Variants in EEF1AKMT2 observed in about 807,000 individuals in gnomAD.
The protein encoded by EEF1AKMT2 is EEF1A lysine methyltransferase 2, also known as eukaryotic translation elongation factor 1 alpha lysine methyltransferase 2.
A neutral mutation model predicts 35.8 loss-of-function variants in EEF1AKMT2; 32 were observed. The observed-to-expected ratio is 0.89, with a 90% CI of 0.67 to 1.20. The LOEUF (loss-of-function observed/expected upper bound fraction) is 1.20. Among genes scored for constraint, EEF1AKMT2 ranks in the 50% most tolerant of loss-of-function variants. The probability of loss-of-function intolerance (pLI) is 0.00; values close to 1 mark genes in which losing one functional copy is unlikely to be tolerated. For missense variants in EEF1AKMT2, 330 were observed against 347.5 expected (o/e 0.95, Z 0.40); for synonymous variants, 121 against 133.7 (o/e 0.91, Z 0.65).
At chr10:124,764,949 T>C (rs1950365743) in intron 5 of EEF1AKMT2, among the ~76,000 whole-genome samples, 1 of 152,218 alleles carries the variant, frequency 6.6e-6, no homozygotes, top group African/African-American at 2.4e-5. Context: ...TCACCCAGGC[T>C]GGAGTGCAGT....
chr10:124,782,813 CA>C (rs35267378), intron 3 of EEF1AKMT2: 711 of 179,258 alleles, frequency 4.0e-3, no homozygotes, highest in South Asian at 8.9e-3. Context: ...AACTCTGTCT[CA>C]AAAAAAAAAA....
chr10:124,790,318 C>T lies in EEF1AKMT2; in HGVS notation c.131G>A (p.Arg44Lys). Residue 44 changes from arginine to lysine, a missense_variant, in exon 2 of 7, where the codon AGA becomes AAA. Transcript: ENST00000368836. ...ATATTCTCGGAAAGTTTGCAGTTCTCTCTCATAGACAGCATCCCAACTATG... is the reference window on the plus strand; with the variant it reads ...ATATTCTCGGAAAGTTTGCAGTTCTTTCTCATAGACAGCATCCCAACTATG... ...TREHWDAVYE[R>K]ELQTFREYGD... is the part of the protein sequence containing the mutation. 1 of 1,612,234 alleles carries T rather than the reference C, an allele frequency of 6.2e-7. No homozygotes were observed.
intron 3 of EEF1AKMT2, among the ~76,000 whole-genome samples, chr10:124,786,731 A>T (rs1950587786): frequency 6.6e-6 from 1 of 151,188 alleles, no homozygotes; most frequent in Non-Finnish European, 1.5e-5. Context: ...AATCGCTTGA[A>T]CCCAGGAAGC....
intron 3 of EEF1AKMT2, among the ~76,000 whole-genome samples, chr10:124,788,118 C>T (rs1950603105): frequency 6.6e-6 from 1 of 152,110 alleles, no homozygotes; most frequent in Admixed American, 6.6e-5. Context: ...TATTTACAGG[C>T]CCAGAACATA....
At chr10:124,787,554 A>C (rs2134144600) in intron 3 of EEF1AKMT2, among the ~76,000 whole-genome samples, 1 of 151,824 alleles carries the variant, frequency 6.6e-6, no homozygotes, top group South Asian at 2.1e-4. Context: ...TCTTTTGTTC[A>C]TGATTGGTAG....
At chr10:124,780,498 C>G (rs562836573) in intron 3 of EEF1AKMT2, among the ~76,000 whole-genome samples, 5 of 152,138 alleles carry the variant, frequency 3.3e-5, no homozygotes, top group African/African-American at 1.2e-4. Flanking sequence ...ATGAAGGTGA[C>G]AGAGAAAAAG....
At chr10:124,780,214 A>G (rs1950528678) in intron 3 of EEF1AKMT2, among the ~76,000 whole-genome samples, 1 of 152,218 alleles carries the variant, frequency 6.6e-6, no homozygotes, top group Non-Finnish European at 1.5e-5. Context: ...ATTCCAACAA[A>G]TATTTATAAA....
At chr10:124,781,951 A>G (rs1283857175) in intron 3 of EEF1AKMT2, among the ~76,000 whole-genome samples, 1 of 152,182 alleles carries the variant, frequency 6.6e-6, no homozygotes, top group East Asian at 1.9e-4. Flanking sequence ...CCAACATGAT[A>G]AGGTTTTCAC....
chr10:124,757,493 A>G (rs1950295855), downstream of EEF1AKMT2, among the ~76,000 whole-genome samples: 1 of 152,214 alleles, frequency 6.6e-6, no homozygotes, highest in South Asian at 2.1e-4. Flanking sequence ...TTCTTTGTAT[A>G]CCAATTTGAA....
At chr10:124,757,182 A>G (rs1270575888), downstream of EEF1AKMT2, among the ~76,000 whole-genome samples, 1 of 151,812 alleles carries the variant, frequency 6.6e-6, no homozygotes, top group African/African-American at 2.4e-5. Context: ...ACACACACAC[A>G]CACACACACA....
chr10:124,774,744 G>C lies in EEF1AKMT2; in HGVS notation c.330C>G (p.Tyr110Ter). The change falls in exon 4 of 7, where the codon TAC becomes TAG. Residue 110 changes from tyrosine (Y) to a stop codon, truncating the protein, a stop_gained. Transcript: ENST00000368836. LOFTEE classifies it high-confidence loss of function. The stretch of plus-strand genomic sequence containing the variant: ...CAGAAAGCTGAATTGCAGAAGGAGA[G>C]TAATCAATTCCAGTAATATTAGAGA... The part of the protein sequence containing the change: ...FGFSNITGID[Y>*]SPSAIQLSGS... The C allele has an allele frequency of 1.3e-6, 2 of 1,482,182 alleles. No homozygotes were observed. Among genetic ancestry groups the C allele is most frequent in the Non-Finnish European group, 1.8e-6 (2 of 1,120,634 alleles). The allele number at this position is 1,482,182 out of a possible 1,614,324, so 91.8% of individuals were successfully genotyped here.
chr10:124,774,406 A>AAAAAAAAAAG (rs1554918000), intron 4 of EEF1AKMT2, among the ~76,000 whole-genome samples: 5 of 48,506 alleles, frequency 1.0e-4, no homozygotes, highest in East Asian at 1.4e-3. Context: ...AAAAAAAAAA[A>AAAAAAAAAAG]AAAACCCTTT....
intron 3 of EEF1AKMT2, among the ~76,000 whole-genome samples, chr10:124,787,067 T>A (rs1215010931): frequency 1.2e-5 from 1 of 83,284 alleles, no homozygotes; most frequent in African/African-American, 4.9e-5. Flanking sequence ...TGCCTCAGCC[T>A]CCCGAGTACC....
At chr10:124,763,544 A>G (rs1950350569) in intron 5 of EEF1AKMT2, among the ~76,000 whole-genome samples, 2 of 152,222 alleles carry the variant, frequency 1.3e-5, no homozygotes, top group African/African-American at 4.8e-5. Context: ...TGCCTAAAAA[A>G]TGTTTTCAAT....
At chr10:124,786,227 C>G (rs1950582810) in intron 3 of EEF1AKMT2, among the ~76,000 whole-genome samples, 1 of 152,088 alleles carries the variant, frequency 6.6e-6, no homozygotes, top group Admixed American at 6.6e-5. Flanking sequence ...AATTTCAGGG[C>G]CGGGCGTGGT....
intron 4 of EEF1AKMT2, among the ~76,000 whole-genome samples, chr10:124,770,258 A>G (rs781492838): frequency 6.6e-6 from 1 of 151,998 alleles, no homozygotes; most frequent in East Asian, 1.9e-4. Context: ...CTCTACTAAA[A>G]ATACAAAAAT....
chr10:124,790,178 C>G lies in EEF1AKMT2; in HGVS notation c.176+95G>C, dbSNP rs575765585. On this transcript the variant is annotated intron_variant, in intron 2 of 6. Coordinates refer to ENST00000368836, the MANE Select transcript of EEF1AKMT2 (RefSeq NM_212554.4). ...AAAGTGCTGGGATTACAGGCGTAAG[C>G]CACCGCGCCCGGCGAATATATACGT... is the stretch of plus-strand genomic sequence containing the variant. 9 of 969,300 alleles carry G rather than the reference C, an allele frequency of 9.3e-6. No homozygotes were observed. The East Asian group carries it at 1.8e-4, about 19-fold the overall frequency. 60.0% of individuals were successfully genotyped at this position (969,300 alleles called of 1,614,324 possible).
At chr10:124,783,198 T>C (rs575091742) in intron 3 of EEF1AKMT2, among the ~76,000 whole-genome samples, 52 of 137,964 alleles carry the variant, frequency 3.8e-4, no homozygotes, top group Non-Finnish European at 5.8e-4. Flanking sequence ...TGGAGTGCAG[T>C]GGGGCCATCT....
chr10:124,778,562 A>G (rs1950508657), intron 3 of EEF1AKMT2, among the ~76,000 whole-genome samples: 1 of 151,880 alleles, frequency 6.6e-6, no homozygotes, highest in Admixed American at 6.6e-5. Flanking sequence ...CGTCTCTACT[A>G]AAAATACAAA....
Sources: gnomAD v4.1 joint callset for allele counts (sites outside exome capture counted in the v4.1 genomes callset) on GRCh38, gnomAD v4.1.1 for gene constraint, MANE v1.5 for transcripts, NCBI Gene and HGNC (gene_info 2026-07-23, HGNC 2026-07-21) for gene names.